Variants in RALYL observed in about 807,000 individuals in gnomAD.
RALYL encodes the protein RALY RNA binding protein like, also known as RNA-binding Raly-like protein.
In RALYL, 29 loss-of-function variants were observed where a neutral mutation model predicts 35.1. The observed-to-expected ratio is 0.83, with a 90% CI of 0.61 to 1.13. RALYL has a LOEUF of 1.13. Among genes scored for constraint, RALYL ranks in the 50% most tolerant of loss-of-function variants. The probability of loss-of-function intolerance (pLI) is 0.00; values close to 1 mark genes in which losing one functional copy is unlikely to be tolerated. For synonymous variants in RALYL, 120 were observed against 127.6 expected (o/e 0.94, Z 0.40); for missense variants, 359 against 360.4 (o/e 1.00, Z 0.03).
At chr8:84,346,714 C>T (rs1849900935) in intron 1 of RALYL, among the ~76,000 whole-genome samples, 1 of 151,986 alleles carries the variant, frequency 6.6e-6, no homozygotes, top group Admixed American at 6.6e-5. Flanking sequence ...GGTGATCTGC[C>T]CATCTTAGCC....
At chr8:84,483,962 T>C (rs2054321599) in intron 1 of RALYL, among the ~76,000 whole-genome samples, 1 of 150,460 alleles carries the variant, frequency 6.6e-6, no homozygotes, top group African/African-American at 2.5e-5. Flanking sequence ...GATATGTAAA[T>C]TTTTTTTCTA....
intron 8 of RALYL, among the ~76,000 whole-genome samples, chr8:84,910,075 A>C (rs1563851286): frequency 6.6e-6 from 1 of 152,124 alleles, no homozygotes; most frequent in Non-Finnish European, 1.5e-5. Flanking sequence ...GCTGTGTCAC[A>C]GTAGAGAGGC....
intron 1 of RALYL, among the ~76,000 whole-genome samples, chr8:84,247,447 A>G (rs1271790556): frequency 1.3e-5 from 2 of 152,032 alleles, no homozygotes; most frequent in African/African-American, 4.8e-5. Flanking sequence ...TACCAAGTGT[A>G]TTATCCTTTA....
rs142295300 is a variant in RALYL at position 84,874,337 on chromosome 8, G to C, written c.685+940G>C. On this transcript the variant is annotated intron_variant, in intron 7 of 8. Coordinates refer to ENST00000521268, the MANE Select transcript of RALYL (RefSeq NM_173848.7). ...ATAAATCCAACCTCTTCATTTTGCA[G>C]ATGAGAAAACAAAGGCTCAGGAAAG... is the stretch of plus-strand genomic sequence containing the variant. 7.3e-3 allele frequency among the ~76,000 whole-genome samples: 1,113 copies of C among 152,280 alleles called. 8 individuals are homozygous for C. The highest frequency in any genetic ancestry group is 0.011 in the Non-Finnish European group (734 of 68,014).
chr8:84,460,400 T>C (rs1162345492), intron 1 of RALYL, among the ~76,000 whole-genome samples: 1 of 151,764 alleles, frequency 6.6e-6, no homozygotes, highest in African/African-American at 2.4e-5. Context: ...GTTGCTGCAT[T>C]GTTCGTAAGA....
chr8:84,186,802 C>G (rs1444271335), intron 1 of RALYL, among the ~76,000 whole-genome samples: 2 of 152,030 alleles, frequency 1.3e-5, no homozygotes, highest in African/African-American at 2.4e-5. Flanking sequence ...ACATTTCTAT[C>G]TATTACATTC....
intron 8 of RALYL, among the ~76,000 whole-genome samples, chr8:84,893,151 G>A (rs1844169102): frequency 6.6e-6 from 1 of 152,102 alleles, no homozygotes. Flanking sequence ...GGCAGAAATG[G>A]GGTTGGAACT....
At chr8:84,256,254 C>A (rs1465482758) in intron 1 of RALYL, among the ~76,000 whole-genome samples, 1 of 152,056 alleles carries the variant, frequency 6.6e-6, no homozygotes, top group Non-Finnish European at 1.5e-5. Flanking sequence ...TATGTATATG[C>A]AAAAATATAT....
At chr8:84,605,152 A>G (rs1247600000) in intron 2 of RALYL, among the ~76,000 whole-genome samples, 1 of 152,054 alleles carries the variant, frequency 6.6e-6, no homozygotes, top group Non-Finnish European at 1.5e-5. Context: ...CTCCCTTTGA[A>G]TGTGAAATAG....
At chr8:84,457,173 T>C (rs958422387) in intron 1 of RALYL, among the ~76,000 whole-genome samples, 1 of 151,944 alleles carries the variant, frequency 6.6e-6, no homozygotes, top group Admixed American at 6.6e-5. Context: ...GGTTTGGAAG[T>C]TGTATTTGCT....
intron 1 of RALYL, among the ~76,000 whole-genome samples, chr8:84,504,246 A>T (rs541274060): frequency 1.3e-5 from 2 of 152,274 alleles, no homozygotes; most frequent in South Asian, 4.1e-4. Context: ...TTAATAGAAG[A>T]ATATAAAAGG....
At chr8:84,446,054 T>G (rs577024863) in intron 1 of RALYL, among the ~76,000 whole-genome samples, 2 of 152,036 alleles carry the variant, frequency 1.3e-5, no homozygotes, top group Non-Finnish European at 2.9e-5. Context: ...TTGTTTTATA[T>G]TTTATATGCG....
chr8:84,708,665 CAT>C (rs1319601040), intron 2 of RALYL, among the ~76,000 whole-genome samples: 3 of 152,054 alleles, frequency 2.0e-5, no homozygotes, highest in Non-Finnish European at 4.4e-5. Context: ...AGTTTTTATA[CAT>C]ATATAATAAC....
chr8:84,700,798 T>C (rs1217806694), intron 2 of RALYL, among the ~76,000 whole-genome samples: 1 of 152,166 alleles, frequency 6.6e-6, no homozygotes, highest in African/African-American at 2.4e-5. Context: ...CTCCAGACAG[T>C]TGTCAAGACA....
chr8:84,704,803 T>C (rs533851105), intron 2 of RALYL, among the ~76,000 whole-genome samples: 1 of 152,202 alleles, frequency 6.6e-6, no homozygotes, highest in African/African-American at 2.4e-5. Flanking sequence ...AAAATATAAT[T>C]ATTTAAGTAA....
At chr8:84,293,058 T>G (rs930602404) in intron 1 of RALYL, among the ~76,000 whole-genome samples, 1 of 152,170 alleles carries the variant, frequency 6.6e-6, no homozygotes, top group Non-Finnish European at 1.5e-5. Flanking sequence ...GTATTACATT[T>G]GAATATGTAA....
At chr8:84,205,347 G>A (rs983295139) in intron 1 of RALYL, among the ~76,000 whole-genome samples, 3 of 152,210 alleles carry the variant, frequency 2.0e-5, no homozygotes, top group East Asian at 1.9e-4. Context: ...TAAATGAATC[G>A]TGATGAGGAA....
chr8:84,688,175 A>G (rs1487257483), intron 2 of RALYL, among the ~76,000 whole-genome samples: 3 of 151,992 alleles, frequency 2.0e-5, no homozygotes, highest in African/African-American at 4.8e-5. Context: ...AATGCTGGAT[A>G]AGACTTGCCT....
intron 1 of RALYL, chr8:84,184,731 GC>G: frequency 2.5e-6 from 1 of 401,884 alleles, no homozygotes; most frequent in Non-Finnish European, 4.4e-6. Flanking sequence ...GGCCGCGCCG[GC>G]CGGGCACTAG....
Sources: allele counts gnomAD v4.1 joint callset (sites outside exome capture counted in the v4.1 genomes callset), GRCh38; gene constraint gnomAD v4.1.1; transcripts MANE v1.5; gene names NCBI Gene and HGNC (gene_info 2026-07-23, HGNC 2026-07-21).